NRXN1: variants seen among roughly 807,000 people sequenced by gnomAD.
NRXN1 encodes neurexin-1.
In NRXN1, 39 loss-of-function variants were observed where a neutral mutation model predicts 150.9. That is an observed-to-expected ratio of 0.26 (90% CI 0.20 to 0.34). The LOEUF is 0.34. NRXN1 is among the 10% of genes least tolerant of loss of function. The pLI is 1.00. For synonymous variants in NRXN1, 924 were observed against 757.0 expected, an observed-to-expected ratio of 1.22 and a Z score of -3.62; for missense variants, 1,815 against 1,949.9, an observed-to-expected ratio of 0.93 and a Z score of 1.30.
intron 17 of NRXN1, among the ~76,000 whole-genome samples, chr2:50,428,159 A>T (rs1423979772): frequency 6.6e-6 from 1 of 152,160 alleles, no homozygotes; most frequent in Non-Finnish European, 1.5e-5. Context: ...CACATCTGTA[A>T]TCCCAGCACT....
At chr2:50,924,066 C>T (rs573476786) in intron 3 of NRXN1, among the ~76,000 whole-genome samples, 10 of 151,832 alleles carry the variant, frequency 6.6e-5, no homozygotes, top group Admixed American at 5.3e-4. Context: ...CTTATTTGTC[C>T]AGGTTACATA....
chr2:50,878,202 T>C (rs142091210), intron 5 of NRXN1, among the ~76,000 whole-genome samples: 1 of 151,992 alleles, frequency 6.6e-6, no homozygotes, highest in Non-Finnish European at 1.5e-5. Flanking sequence ...GAAAAACTAA[T>C]GCATTCTAAA....
At chr2:50,984,259 A>G (rs900084243) in intron 2 of NRXN1, among the ~76,000 whole-genome samples, 2 of 148,332 alleles carry the variant, frequency 1.3e-5, no homozygotes, top group Non-Finnish European at 3.0e-5. Flanking sequence ...TGTTGGGATT[A>G]CAGGCATGAG....
At chr2:50,712,110 A>AGTGCTAT (rs1695245123) in intron 5 of NRXN1, among the ~76,000 whole-genome samples, 1 of 152,164 alleles carries the variant, frequency 6.6e-6, no homozygotes, top group Non-Finnish European at 1.5e-5. Flanking sequence ...ACACATGCTA[A>AGTGCTAT]GTGCTATATA....
chr2:50,941,168 T>C (rs1468480429), intron 2 of NRXN1, among the ~76,000 whole-genome samples: 2 of 151,934 alleles, frequency 1.3e-5, no homozygotes, highest in Admixed American at 6.6e-5. Flanking sequence ...CTTTCCACTA[T>C]GATTTTAAGT....
At chr2:49,973,894 G>C in intron 21 of NRXN1, 1 of 637,662 alleles carries the variant, frequency 1.6e-6, no homozygotes, top group Non-Finnish European at 2.9e-6. Context: ...TTGTTTTTAG[G>C]CTTCTGGTAT....
At chr2:50,128,880 G>A (rs1042257569) in intron 18 of NRXN1, among the ~76,000 whole-genome samples, 5 of 151,678 alleles carry the variant, frequency 3.3e-5, no homozygotes, top group African/African-American at 1.2e-4. Flanking sequence ...CTACTCAGAG[G>A]GCCAAGGCAG....
intron 8 of NRXN1, among the ~76,000 whole-genome samples, chr2:50,604,845 G>T (rs575496627): frequency 9.9e-5 from 15 of 152,238 alleles, no homozygotes; most frequent in East Asian, 5.8e-4. Context: ...TACCATTAAA[G>T]AAATAAAAGT....
At chr2:50,173,220 A>G (rs2060137655) in intron 18 of NRXN1, among the ~76,000 whole-genome samples, 1 of 152,222 alleles carries the variant, frequency 6.6e-6, no homozygotes, top group Non-Finnish European at 1.5e-5. Flanking sequence ...ATCAGAAAAG[A>G]TTTGAAACTC....
chr2:50,917,871 A>C (rs192985058), intron 5 of NRXN1: 5 of 151,814 alleles, frequency 3.3e-5, no homozygotes, highest in Non-Finnish European at 5.9e-5. Context: ...TGTATTAAAA[A>C]AACACCAAAT....
chr2:50,378,611 G>A lies in NRXN1; in HGVS notation c.3364+86831C>T, dbSNP rs145389246. On this transcript the variant is annotated intron_variant, in intron 17 of 22. Coordinates refer to ENST00000401669, the MANE Select transcript of NRXN1 (RefSeq NM_001330078.2). ...CCACCGTAAAGTTGAAAAATCCTAAGTTGAACTGTATTAAATTGGGGGCTT... is the reference window on the plus strand; with the variant it reads ...CCACCGTAAAGTTGAAAAATCCTAAATTGAACTGTATTAAATTGGGGGCTT... Among the ~76,000 whole-genome samples the A allele has an allele frequency of 3.1e-3, 465 of 152,192 alleles. 3 individuals carry two copies. The highest frequency in any genetic ancestry group is 0.011 in the African/African-American group (457 of 41,532).
chr2:50,316,558 C>T lies in NRXN1; in HGVS notation c.3365-79588G>A, dbSNP rs146955357. Among the ~76,000 whole-genome samples, 178 of 152,028 alleles carry T rather than the reference C, an allele frequency of 1.2e-3. 1 individual carries two copies. Among genetic ancestry groups the T allele is most frequent in the African/African-American group, 4.1e-3 (172 of 41,496 alleles). Reference sequence around the variant, plus strand: ...GAATCTCCTTAGGATAATATTTTTACATAACAAGGGAATCAACAAAGCAGA... The same window carrying T: ...GAATCTCCTTAGGATAATATTTTTATATAACAAGGGAATCAACAAAGCAGA... On this transcript the variant is annotated intron_variant, in intron 17 of 22. Coordinates refer to ENST00000401669, the MANE Select transcript of NRXN1 (RefSeq NM_001330078.2).
intron 10 of NRXN1, among the ~76,000 whole-genome samples, chr2:50,533,635 A>G (rs992367565): frequency 3.3e-5 from 5 of 151,890 alleles, no homozygotes; most frequent in Admixed American, 1.3e-4. Flanking sequence ...AGCTCCCTCA[A>G]CCGTGTTCCT....
chr2:50,649,893 A>C (rs370501153), intron 5 of NRXN1, among the ~76,000 whole-genome samples: 1 of 152,002 alleles, frequency 6.6e-6, no homozygotes, highest in African/African-American at 2.4e-5. Context: ...CTGTCCCTAA[A>C]TGAAGAAAAA....
intron 21 of NRXN1, among the ~76,000 whole-genome samples, chr2:50,027,965 A>G (rs1274421791): frequency 1.3e-5 from 2 of 151,988 alleles, no homozygotes; most frequent in African/African-American, 4.8e-5. Context: ...TGTCTTCAAG[A>G]TCTTTGTGTT....
At chr2:50,477,710 C>G (rs2090105821) in intron 15 of NRXN1, among the ~76,000 whole-genome samples, 1 of 152,068 alleles carries the variant, frequency 6.6e-6, no homozygotes, top group Admixed American at 6.6e-5. Flanking sequence ...GGACAATTGC[C>G]TTATAGATTT....
chr2:50,566,541 C>A (rs1321889925), intron 8 of NRXN1, among the ~76,000 whole-genome samples: 2 of 151,964 alleles, frequency 1.3e-5, no homozygotes, highest in Non-Finnish European at 2.9e-5. Context: ...AGGCGTGAGC[C>A]ACCGTGCCCA....
At chr2:50,713,232 T>C (rs1176338307) in intron 5 of NRXN1, among the ~76,000 whole-genome samples, 1 of 151,742 alleles carries the variant, frequency 6.6e-6, no homozygotes, top group Non-Finnish European at 1.5e-5. Context: ...TGGAATGACT[T>C]GAACCTGGGA....
intron 12 of NRXN1, 122 bp from the exon 13 acceptor site, chr2:50,506,739 A>G: frequency 2.0e-6 from 2 of 979,564 alleles, no homozygotes; most frequent in Non-Finnish European, 2.9e-6. Flanking sequence ...AGAAAGAAGA[A>G]AGGAAGAAAG....
Sources: allele counts gnomAD v4.1 joint callset (sites outside exome capture counted in the v4.1 genomes callset), GRCh38; gene constraint gnomAD v4.1.1; transcripts MANE v1.5; gene names NCBI Gene and HGNC (gene_info 2026-07-23, HGNC 2026-07-21).